The following TNIK variants were observed in gnomAD, a reference collection of about 807,000 sequenced individuals.
TNIK encodes TRAF2 and NCK interacting kinase.
In TNIK, 49 loss-of-function variants were observed where a neutral mutation model predicts 191.3. The observed-to-expected ratio is 0.26, with a 90% CI of 0.20 to 0.32. The LOEUF (loss-of-function observed/expected upper bound fraction) is 0.32. Among genes scored for constraint, TNIK ranks in the 10% least tolerant of loss-of-function variants. The probability of loss-of-function intolerance (pLI) is 1.00; values close to 1 mark genes in which losing one functional copy is unlikely to be tolerated. For synonymous variants in TNIK, 594 were observed against 600.9 expected, an observed-to-expected ratio of 0.99 and a Z score of 0.17; for missense variants, 1,155 against 1,702.3, an observed-to-expected ratio of 0.68 and a Z score of 5.66.
chr3:171,315,721 C>CA (rs1248894804), intron 2 of TNIK, among the ~76,000 whole-genome samples: 1 of 151,874 alleles, frequency 6.6e-6, no homozygotes, highest in Admixed American at 6.6e-5. Context: ...CCCTGGCTTA[C>CA]AAACTCATCC....
intron 12 of TNIK, among the ~76,000 whole-genome samples, chr3:171,152,126 C>T (rs1397017115): frequency 6.6e-6 from 1 of 151,998 alleles, no homozygotes; most frequent in Non-Finnish European, 1.5e-5. Flanking sequence ...ACTAAAAACA[C>T]AAAGACTAGC....
intron 2 of TNIK, among the ~76,000 whole-genome samples, chr3:171,286,359 G>C (rs1166487781): frequency 6.6e-6 from 1 of 152,140 alleles, no homozygotes; most frequent in East Asian, 1.9e-4. Context: ...AGGTATCTCT[G>C]GAAGAAGAAG....
chr3:171,174,859 T>C (rs928129674), intron 9 of TNIK, among the ~76,000 whole-genome samples: 1 of 152,198 alleles, frequency 6.6e-6, no homozygotes, highest in South Asian at 2.1e-4. Context: ...ACTTAGGGAA[T>C]GATTGTTGTA....
At chr3:171,426,260 A>G (rs1270393145) in intron 1 of TNIK, among the ~76,000 whole-genome samples, 2 of 151,922 alleles carry the variant, frequency 1.3e-5, no homozygotes, top group Non-Finnish European at 2.9e-5. Flanking sequence ...TTGCAGGGAC[A>G]TGGATGAAGC....
intron 2 of TNIK, among the ~76,000 whole-genome samples, chr3:171,252,020 T>A (rs1040469345): frequency 4.3e-5 from 4 of 93,768 alleles, no homozygotes; most frequent in African/African-American, 2.0e-4. Context: ...TACGTGCAAT[T>A]CTCTAAGGTA....
chr3:171,448,710 T>C (rs1235743843), intron 1 of TNIK, among the ~76,000 whole-genome samples: 1 of 152,092 alleles, frequency 6.6e-6, no homozygotes, highest in Non-Finnish European at 1.5e-5. Flanking sequence ...GGCTGTACCA[T>C]TTTACATTCC....
intron 28 of TNIK, among the ~76,000 whole-genome samples, 163 bp downstream of exon 28, chr3:171,079,355 A>G (rs996617999): frequency 6.6e-6 from 1 of 152,196 alleles, no homozygotes; most frequent in African/African-American, 2.4e-5. Context: ...AATTTCATCA[A>G]TCTGGCTTTT....
intron 16 of TNIK, among the ~76,000 whole-genome samples, 180 bp from the exon 17 acceptor site, chr3:171,126,331 AC>A (rs1728478383): frequency 6.6e-6 from 1 of 152,148 alleles, no homozygotes; most frequent in Non-Finnish European, 1.5e-5. Context: ...TTCCATTGGA[AC>A]GATATGTAGG....
In TNIK at chr3:171,195,308, G is replaced by GA. The variant is rs546202621; in HGVS notation, c.307-674dup. ...CAATGGGGATGTAGAGACCATTTGA[G>GA]AAAAAAGCCATCTATGTGCTTTTAC... On this transcript the variant is annotated intron_variant, in intron 4 of 32. Coordinates refer to ENST00000436636, the MANE Select transcript of TNIK (RefSeq NM_015028.4). Among the ~76,000 whole-genome samples, 16 of 152,202 alleles carry GA rather than the reference G, an allele frequency of 1.1e-4. No homozygotes were observed. In the East Asian group the frequency reaches 2.3e-3, roughly 22 times the overall value.
intron 2 of TNIK, among the ~76,000 whole-genome samples, chr3:171,253,476 A>G (rs1221943279): frequency 6.6e-6 from 1 of 151,662 alleles, no homozygotes; most frequent in East Asian, 1.9e-4. Flanking sequence ...TGAGGTCTCA[A>G]CTTGCTCCTC....
intron 10 of TNIK, among the ~76,000 whole-genome samples, chr3:171,165,943 C>T (rs1354308858): frequency 6.6e-6 from 1 of 152,216 alleles, no homozygotes. Context: ...CTGCTCCAGA[C>T]CATGCAAGTT....
At chr3:171,194,416 T>A in intron 5 of TNIK, 109 bp downstream of exon 5, 1 of 952,222 alleles carries the variant, frequency 1.1e-6, no homozygotes, top group Non-Finnish European at 1.6e-6. Flanking sequence ...GGGTTTTTGA[T>A]ATGCTTATGA....
At chr3:171,225,503 T>TGACACTCC (rs1188149615) in intron 3 of TNIK, 1 of 454,684 alleles carries the variant, frequency 2.2e-6, no homozygotes, top group Non-Finnish European at 4.4e-6. Flanking sequence ...TGTAATGGAT[T>TGACACTCC]GACACTCCTT....
intron 1 of TNIK, among the ~76,000 whole-genome samples, chr3:171,434,560 C>A (rs1224605476): frequency 6.6e-6 from 1 of 152,050 alleles, no homozygotes; most frequent in Non-Finnish European, 1.5e-5. Context: ...TGGGCTCAAG[C>A]AATCTTCCTA....
At chr3:171,452,729 AACACACACACACACACACACACAC>A (rs10602125) in intron 1 of TNIK, among the ~76,000 whole-genome samples, 1 of 142,548 alleles carries the variant, frequency 7.0e-6, no homozygotes. Context: ...ACACACTCCA[AACACACACACACACACACACACAC>A]ACACACACAC....
chr3:171,278,057 A>C (rs1448914964), intron 2 of TNIK, among the ~76,000 whole-genome samples: 1 of 152,152 alleles, frequency 6.6e-6, no homozygotes, highest in East Asian at 1.9e-4. Context: ...AACAGGTTCT[A>C]AGTTGGGGGC....
intron 4 of TNIK, among the ~76,000 whole-genome samples, chr3:171,206,723 C>G (rs1193955132): frequency 1.3e-5 from 2 of 152,146 alleles, no homozygotes; most frequent in African/African-American, 4.8e-5. Context: ...ATTAACTTCA[C>G]TGGACCCAGC....
intron 1 of TNIK, among the ~76,000 whole-genome samples, chr3:171,404,107 C>G (rs945624643): frequency 6.6e-6 from 1 of 152,166 alleles, no homozygotes; most frequent in African/African-American, 2.4e-5. Context: ...GGCTATGTAC[C>G]TACAGTATAA....
chr3:171,367,252 C>T (rs1259276429), intron 2 of TNIK, among the ~76,000 whole-genome samples: 2 of 152,106 alleles, frequency 1.3e-5, no homozygotes, highest in South Asian at 2.1e-4. Flanking sequence ...TACTTAGGCT[C>T]ACATATCTTT....
Sources: allele counts gnomAD v4.1 joint callset (sites outside exome capture counted in the v4.1 genomes callset), GRCh38; gene constraint gnomAD v4.1.1; transcripts MANE v1.5; gene names NCBI Gene and HGNC (gene_info 2026-07-23, HGNC 2026-07-21).